TXNL4A: variants seen among roughly 807,000 people sequenced by gnomAD.
The protein encoded by TXNL4A is thioredoxin like 4A, also known as thioredoxin-like protein 4A.
In TXNL4A, 17 loss-of-function variants were observed where a neutral mutation model predicts 14.6. That is an observed-to-expected ratio of 1.16 (90% CI 0.80 to 1.74). TXNL4A has a LOEUF of 1.74. Among genes scored for constraint, TXNL4A ranks in the 40% most tolerant of loss-of-function variants. The pLI is 0.00. For synonymous variants in TXNL4A, 83 were observed against 70.6 expected, an observed-to-expected ratio of 1.18 and a Z score of -0.88; for missense variants, 74 against 195.2, an observed-to-expected ratio of 0.38 and a Z score of 3.70.
At chr18:80,021,029 G>A (rs1176346481) in intron 1 of TXNL4A, among the ~76,000 whole-genome samples, 1 of 152,084 alleles carries the variant, frequency 6.6e-6, no homozygotes, top group Non-Finnish European at 1.5e-5. Flanking sequence ...GGGGCACAGA[G>A]GATAATATTA....
intron 1 of TXNL4A, among the ~76,000 whole-genome samples, chr18:79,980,790 T>C (rs1599719689): frequency 1.3e-5 from 2 of 152,124 alleles, no homozygotes; most frequent in South Asian, 2.1e-4. Flanking sequence ...CAACTCGCCA[T>C]CCATGTGCTT....
At chr18:80,014,755 C>G (rs915613295) in intron 1 of TXNL4A, among the ~76,000 whole-genome samples, 2 of 152,232 alleles carry the variant, frequency 1.3e-5, no homozygotes, top group African/African-American at 2.4e-5. Context: ...AGTAGGGACT[C>G]TGTGTGGGGG....
chr18:79,998,837 T>C (rs4020401), intron 1 of TXNL4A, among the ~76,000 whole-genome samples: 118,963 of 151,512 alleles, frequency 0.79, 47,428 homozygotes, highest in East Asian at 0.91. Flanking sequence ...CACTCTCTTG[T>C]CAGGCCCTTC....
chr18:80,018,270 A>G (rs1198001174), intron 1 of TXNL4A, among the ~76,000 whole-genome samples: 6 of 152,230 alleles, frequency 3.9e-5, no homozygotes, highest in South Asian at 2.1e-4. Context: ...AGAAATACAC[A>G]TGTTCTTTGA....
At chr18:80,003,470 G>C (rs1454087996) in intron 1 of TXNL4A, among the ~76,000 whole-genome samples, 1 of 152,106 alleles carries the variant, frequency 6.6e-6, no homozygotes, top group Non-Finnish European at 1.5e-5. Flanking sequence ...GTGAGTTTGG[G>C]GTCTTGAAAT....
At chr18:79,998,808 A>G (rs2051679337) in intron 1 of TXNL4A, among the ~76,000 whole-genome samples, 1 of 151,628 alleles carries the variant, frequency 6.6e-6, no homozygotes, top group Non-Finnish European at 1.5e-5. Context: ...TACTTCCAGT[A>G]TAATAATCTT....
At chr18:79,993,262 C>T (rs2051639627), upstream of TXNL4A, among the ~76,000 whole-genome samples, 1 of 151,966 alleles carries the variant, frequency 6.6e-6, no homozygotes, top group Non-Finnish European at 1.5e-5. The surrounding 1 kb of genome is among the most constrained non-coding windows in gnomAD (Gnocchi z 4.4). Context: ...CTCTTTTTTC[C>T]AGGGATCCCT....
intron 1 of TXNL4A, among the ~76,000 whole-genome samples, chr18:79,996,471 G>A (rs912131122): frequency 9.9e-5 from 15 of 152,124 alleles, no homozygotes; most frequent in African/African-American, 3.1e-4. Context: ...CAGATGCCCC[G>A]CCATGGGCTC....
chr18:80,009,674 C>T (rs1218146801), intron 1 of TXNL4A, among the ~76,000 whole-genome samples: 1 of 152,182 alleles, frequency 6.6e-6, no homozygotes, highest in African/African-American at 2.4e-5. Flanking sequence ...AAGTGAAGTG[C>T]ACTTGCAAGA....
chr18:79,973,766 G>T lies in TXNL4A; in HGVS notation c.348C>A (p.Ile116=), dbSNP rs1445169904. The T allele has an allele frequency of 1.9e-6, 3 of 1,614,054 alleles. No individual in the cohort carries two copies. Among genetic ancestry groups the T allele is most frequent in the East Asian group, 2.2e-5 (1 of 44,872 alleles). Residue 116 remains isoleucine (I), a synonymous_variant, in exon 3 of 3, where the codon ATC becomes ATA. Coordinates refer to ENST00000269601, the MANE Select transcript of TXNL4A (RefSeq NM_006701.5). ...TGCGGGCCCCGCGGTACACCGTCTCGATGATGTCCACCATCTCCTGCTTGT... is the reference window on the plus strand; with the variant it reads ...TGCGGGCCCCGCGGTACACCGTCTCTATGATGTCCACCATCTCCTGCTTGT... ...MEDKQEMVDI[I]ETVYRGARKG...
rs569716153 is a variant in TXNL4A at position 79,988,521 on chromosome 18, G to A, written c.-129C>T. 2.9e-6 allele frequency: 3 copies of A among 1,045,802 alleles called. No individual in the cohort carries two copies. The highest frequency in any genetic ancestry group is 1.7e-5 in the African/African-American group (1 of 59,856). The allele number at this position is 1,045,802 out of a possible 1,614,324, so 64.8% of individuals were successfully genotyped here. ...CCACGGACGAAATCCGGTCCCGCCC[G>A]CACACGCAAACTCCGCTGGGACTGC... On this transcript the variant is annotated 5_prime_UTR_variant, in exon 1 of 3. Transcript: ENST00000269601.
rs2051339778 is a variant in TXNL4A, at chr18:79,973,936, C to T, written c.258-80G>A. 6 of 1,557,408 alleles carry T rather than the reference C, an allele frequency of 3.9e-6. No individual in the cohort carries two copies. The South Asian group carries it at 7.3e-5, about 19-fold the overall frequency. On this transcript the variant is annotated intron_variant, in intron 2 of 2. Transcript: ENST00000269601. The stretch of plus-strand genomic sequence containing the variant: ...TCCTTGAAAACAATGCCGTATTTTT[C>T]CCACTGTGACAAGCTCTTGTTAACA...
intron 1 of TXNL4A, among the ~76,000 whole-genome samples, chr18:80,002,907 A>G (rs2051706870): frequency 6.6e-6 from 1 of 152,214 alleles, no homozygotes; most frequent in South Asian, 2.1e-4. Context: ...TCCCACAGGC[A>G]TCGGTAGACC....
At chr18:79,980,302 T>A (rs1001815238) in intron 1 of TXNL4A, among the ~76,000 whole-genome samples, 1 of 152,214 alleles carries the variant, frequency 6.6e-6, no homozygotes, top group African/African-American at 2.4e-5. Flanking sequence ...TTCTGTTGTT[T>A]TAAGCCCCTC....
At chr18:79,992,552 A>G (rs923065410), upstream of TXNL4A, among the ~76,000 whole-genome samples, 1 of 152,164 alleles carries the variant, frequency 6.6e-6, no homozygotes, top group Non-Finnish European at 1.5e-5. Flanking sequence ...GGAAAAGTTA[A>G]GCTGGGAACT....
chr18:79,982,102 C>T lies in TXNL4A; in HGVS notation c.154-4401G>A, dbSNP rs1310967505. Among the ~76,000 whole-genome samples the T allele has an allele frequency of 1.3e-5, 2 of 152,108 alleles. No homozygotes were observed. The highest frequency in any genetic ancestry group is 4.8e-5 in the African/African-American group (2 of 41,418). On this transcript the variant is annotated intron_variant, in intron 1 of 2. Transcript: ENST00000269601. This position sits in a 1 kb window ranked among gnomAD's most constrained non-coding sequence, Gnocchi z 4.0. ...TCAGCCTAACCCACAGGAGACGGGG[C>T]GGCAGTGTGGTCACGGGGTGGCAGG...
At chr18:80,016,395 T>C (rs2051810598) in intron 1 of TXNL4A, among the ~76,000 whole-genome samples, 1 of 151,724 alleles carries the variant, frequency 6.6e-6, no homozygotes, top group Non-Finnish European at 1.5e-5. Context: ...TTTTGGCTTT[T>C]GTTGCCATTG....
intron 1 of TXNL4A, among the ~76,000 whole-genome samples, chr18:80,031,888 G>T (rs1466888478): frequency 1.3e-5 from 2 of 152,220 alleles, no homozygotes. Flanking sequence ...TGGATTCTGG[G>T]GAACTTGGTG....
intron 1 of TXNL4A, among the ~76,000 whole-genome samples, chr18:80,010,730 C>T (rs904670599): frequency 2.6e-5 from 4 of 152,302 alleles, no homozygotes; most frequent in South Asian, 2.1e-4. Context: ...TGTGTAGCCA[C>T]GGGCATGTCT....
Sources: allele counts gnomAD v4.1 joint callset (sites outside exome capture counted in the v4.1 genomes callset), GRCh38; gene constraint gnomAD v4.1.1; non-coding constraint Gnocchi (gnomAD v3.1); transcripts MANE v1.5; gene names NCBI Gene and HGNC (gene_info 2026-07-23, HGNC 2026-07-21).